Variants in SIN3B observed in about 807,000 individuals in gnomAD.
The protein encoded by SIN3B is paired amphipathic helix protein Sin3b.
SIN3B carries 19 observed loss-of-function variants against 120.2 expected under a neutral mutation model. That is an observed-to-expected ratio of 0.16 (90% CI 0.11 to 0.23). The LOEUF (loss-of-function observed/expected upper bound fraction) is 0.23, where lower values mean the gene tolerates loss of function less well. Among genes scored for constraint, SIN3B ranks in the 10% least tolerant of loss-of-function variants. SIN3B has a pLI of 1.00. For synonymous variants in SIN3B, 654 were observed against 653.2 expected (o/e 1.00, Z -0.02); for missense variants, 1,073 against 1,573.0 (o/e 0.68, Z 5.38).
intron 6 of SIN3B, among the ~76,000 whole-genome samples, chr19:16,852,106 G>C (rs1971553427): frequency 6.6e-6 from 1 of 152,146 alleles, no homozygotes; most frequent in African/African-American, 2.4e-5. Flanking sequence ...TGGGCCAGCG[G>C]GGTCCCTTTG....
chr19:16,876,879 C>T lies in SIN3B; in HGVS notation c.2859+301C>T, dbSNP rs577596531. On this transcript the variant is annotated intron_variant, in intron 16 of 18. Transcript: ENST00000248054. This position sits in a 1 kb window ranked among gnomAD's most constrained non-coding sequence, Gnocchi z 7.1. ...CCCCCGACTCCCACTCAGGGCATCC[C>T]GTGGCTGTGACCTCTGCACCTCTTG... The T allele has an allele frequency of 3.4e-5, 12 of 354,858 alleles. No homozygotes were observed. Among genetic ancestry groups the T allele is most frequent in the East Asian group, 2.7e-4 (5 of 18,560 alleles). 22.0% of individuals were successfully genotyped at this position (354,858 alleles called of 1,614,324 possible). A position where few individuals can be genotyped will look rare whatever the true frequency, so the allele number is the denominator to read the frequency against.
At chr19:16,873,522 TCCC>T (rs36078258) in intron 14 of SIN3B, among the ~76,000 whole-genome samples, 3 of 112,716 alleles carry the variant, frequency 2.7e-5, no homozygotes, top group Admixed American at 9.4e-5. Flanking sequence ...GTCTGTCCCC[TCCC>T]CCCCCCCCCA....
At chr19:16,846,740 C>T (rs1019842289) in intron 4 of SIN3B, among the ~76,000 whole-genome samples, 1 of 152,174 alleles carries the variant, frequency 6.6e-6, no homozygotes, top group Admixed American at 6.5e-5. Flanking sequence ...CCCCTCTGTT[C>T]GTGGACACTG....
At chr19:16,865,383 G>A (rs1971753642) in intron 10 of SIN3B, 27 bp from the exon 11 acceptor site, 1 of 1,543,074 alleles carries the variant, frequency 6.5e-7, no homozygotes, top group East Asian at 2.3e-5. Flanking sequence ...CCCAGTGGCT[G>A]ACCCCGTCCT....
Position 16,829,414 on chromosome 19 carries a change from T to C in SIN3B, c.-7T>C, listed in dbSNP as rs1971247318. Reference sequence around the variant, plus strand: ...GGGCGGGGCGGGGCGCAGCTCCGACTTCGGACATGGCGCACGCTGGCGGTG... The same window carrying C: ...GGGCGGGGCGGGGCGCAGCTCCGACCTCGGACATGGCGCACGCTGGCGGTG... On this transcript the variant is annotated 5_prime_UTR_variant, in exon 1 of 19. Coordinates refer to ENST00000248054, the MANE Select transcript of SIN3B (RefSeq NM_001297595.2). The C allele has an allele frequency of 2.5e-6, 3 of 1,203,248 alleles. No homozygotes were observed. The highest frequency in any genetic ancestry group is 3.1e-6 in the Non-Finnish European group (3 of 969,354). The allele number at this position is 1,203,248 out of a possible 1,614,324, so 74.5% of individuals were successfully genotyped here. A position where few individuals can be genotyped will look rare whatever the true frequency, so the allele number is the denominator to read the frequency against.
chr19:16,863,825 C>T (rs183061197), intron 10 of SIN3B, 29 bp downstream of exon 10: 235 of 1,512,554 alleles, frequency 1.6e-4, no homozygotes, highest in African/African-American at 4.4e-4. Context: ...CCGGGTCCCC[C>T]GGCATGTGCC....
At chr19:16,849,255 T>C (rs891738979) in intron 5 of SIN3B, among the ~76,000 whole-genome samples, 13 of 152,232 alleles carry the variant, frequency 8.5e-5, no homozygotes, top group African/African-American at 2.9e-4. Flanking sequence ...GCAAACCTTC[T>C]CTACAAAGGG....
chr19:16,877,208 C>T (rs960753092), intron 16 of SIN3B: 1 of 334,608 alleles, frequency 3.0e-6, no homozygotes, highest in Non-Finnish European at 5.6e-6. Context: ...CCTCAACGTC[C>T]TGGAGGTCAG....
chr19:16,829,909 G>T lies in SIN3B; in HGVS notation c.227+12G>T. On this transcript the variant is annotated intron_variant, in intron 2 of 18. Transcript: ENST00000248054. ...TTCAAAAGCCAGAGGTACCAGCGGG[G>T]CCCCTCTCCACCTCAGGGGACCCCC... 3 of 1,597,200 alleles carry T rather than the reference G, an allele frequency of 1.9e-6. No individual in the cohort carries two copies. Among genetic ancestry groups the T allele is most frequent in the African/African-American group, 1.3e-5 (1 of 74,694 alleles).
intron 4 of SIN3B, among the ~76,000 whole-genome samples, chr19:16,845,651 G>T (rs1423835438): frequency 6.6e-6 from 1 of 152,242 alleles, no homozygotes; most frequent in African/African-American, 2.4e-5. Context: ...GTAGTCAGAT[G>T]AGCAGAGATG....
intron 1 of SIN3B, 125 bp from the exon 2 acceptor site, chr19:16,829,666 C>A: frequency 8.0e-7 from 1 of 1,245,924 alleles, no homozygotes; most frequent in Non-Finnish European, 1.1e-6. Context: ...CCCCGGACCC[C>A]TCACCCCTCA....
At chr19:16,838,829 G>A (rs1240066522) in intron 3 of SIN3B, among the ~76,000 whole-genome samples, 1 of 151,448 alleles carries the variant, frequency 6.6e-6, no homozygotes, top group East Asian at 1.9e-4. Context: ...CCACCACCAC[G>A]CCTGGCTAAT....
At chr19:16,877,782 C>T (rs2051629495) in intron 17 of SIN3B, 143 bp downstream of exon 17, 1 of 670,296 alleles carries the variant, frequency 1.5e-6, no homozygotes, top group South Asian at 1.7e-5. Flanking sequence ...AGGCCCTGCC[C>T]TTTTGAGGCT....
At chr19:16,866,290 C>A in intron 11 of SIN3B, 83 bp from the exon 12 acceptor site, 1 of 1,413,828 alleles carries the variant, frequency 7.1e-7, no homozygotes, top group East Asian at 2.3e-5. Context: ...AGTCAAGTCC[C>A]AGAGGAAGAC....
At chr19:16,875,915 C>G (rs2051598301) in intron 14 of SIN3B, 140 bp from the exon 15 acceptor site, 2 of 1,051,600 alleles carry the variant, frequency 1.9e-6, no homozygotes, top group African/African-American at 1.6e-5. Context: ...CACAGCCTGT[C>G]AGGATTCTGG....
At chr19:16,830,044 C>G in intron 2 of SIN3B, 147 bp downstream of exon 2, 1 of 601,424 alleles carries the variant, frequency 1.7e-6, no homozygotes, top group South Asian at 2.0e-5. Flanking sequence ...AGCTCCTTCT[C>G]GTAACAAAAA....
At position 16,878,562 on chromosome 19, in the gene SIN3B, G is replaced by A. The variant is rs1444996874; in HGVS notation, c.3228G>A (p.Glu1076=). 3 of 1,608,610 alleles carry A rather than the reference G, an allele frequency of 1.9e-6. No homozygotes were observed. Among genetic ancestry groups the A allele is most frequent in the South Asian group, 2.2e-5 (2 of 90,214 alleles). Residue 1076 remains glutamate (E), a synonymous_variant, in exon 19 of 19, where the codon GAG becomes GAA. Coordinates refer to ENST00000248054, the MANE Select transcript of SIN3B (RefSeq NM_001297595.2). ...AGGAGTGGCACAGCCGCTGGCTGGA[G>A]GACAATGTGACGGTGGAGGCGGCTA... ...HFEEWHSRWL[E]DNVTVEAASL...
chr19:16,864,226 C>T (rs951663608), intron 10 of SIN3B, among the ~76,000 whole-genome samples: 2 of 150,850 alleles, frequency 1.3e-5, no homozygotes, highest in South Asian at 2.1e-4. Flanking sequence ...CCAGAGAGGC[C>T]GAGGCTGCAG....
intron 14 of SIN3B, among the ~76,000 whole-genome samples, chr19:16,874,989 GTTTGGTTTGGTTTGGTTAGGT>G (rs2051570131): frequency 6.6e-6 from 1 of 151,292 alleles, no homozygotes; most frequent in Non-Finnish European, 1.5e-5. Flanking sequence ...ATTTGGTCTG[GTTTGGTTTGGTTTGGTTAGGT>G]TTTGGTTTGG....
Sources: allele counts gnomAD v4.1 joint callset (sites outside exome capture counted in the v4.1 genomes callset), GRCh38; gene constraint gnomAD v4.1.1; non-coding constraint Gnocchi (gnomAD v3.1); transcripts MANE v1.5; gene names NCBI Gene and HGNC (gene_info 2026-07-23, HGNC 2026-07-21).